NDST4: variants seen among roughly 807,000 people sequenced by gnomAD.
The protein encoded by NDST4 is N-deacetylase and N-sulfotransferase 4.
NDST4 carries 63 observed loss-of-function variants against 100.8 expected under a neutral mutation model. The observed-to-expected ratio is 0.62, with a 90% CI of 0.51 to 0.77. The LOEUF (loss-of-function observed/expected upper bound fraction) is 0.77. NDST4 is among the 30% of genes least tolerant of loss of function. NDST4 has a pLI of 0.00. For synonymous variants in NDST4, 377 were observed against 361.8 expected, an observed-to-expected ratio of 1.04 and a Z score of -0.48; for missense variants, 943 against 1,018.4, an observed-to-expected ratio of 0.93 and a Z score of 1.01.
chr4:115,090,564 G>A, intron 1 of NDST4, among the ~76,000 whole-genome samples: 1 of 151,784 alleles, frequency 6.6e-6, no homozygotes, highest in South Asian at 2.1e-4. Context: ...TCTAGAATTA[G>A]GAAATAATAA....
At chr4:114,933,838 C>A (rs1392382862) in intron 6 of NDST4, among the ~76,000 whole-genome samples, 6 of 151,968 alleles carry the variant, frequency 3.9e-5, no homozygotes, top group African/African-American at 1.4e-4. Context: ...GACTATTAAT[C>A]AAAAAGATGA....
intron 4 of NDST4, among the ~76,000 whole-genome samples, chr4:114,940,073 C>A (rs1452582700): frequency 6.6e-6 from 1 of 151,998 alleles, no homozygotes; most frequent in Non-Finnish European, 1.5e-5. Context: ...AAAAGCCTTC[C>A]AATGTAAATA....
At chr4:115,086,042 T>G (rs1729403908) in intron 1 of NDST4, among the ~76,000 whole-genome samples, 1 of 152,190 alleles carries the variant, frequency 6.6e-6, no homozygotes, top group African/African-American at 2.4e-5. Flanking sequence ...GGAGCACTAC[T>G]CAGTAGGGCA....
chr4:114,897,846 C>A (rs1578373763), intron 6 of NDST4, among the ~76,000 whole-genome samples: 1 of 152,086 alleles, frequency 6.6e-6, no homozygotes, highest in Non-Finnish European at 1.5e-5. Context: ...TTCTTATTTG[C>A]CATCTGTATA....
chr4:115,003,065 C>A (rs1253291901), intron 2 of NDST4, among the ~76,000 whole-genome samples: 1 of 152,070 alleles, frequency 6.6e-6, no homozygotes, highest in East Asian at 1.9e-4. Context: ...ACATCATACA[C>A]TGGGGCCTGA....
chr4:114,847,426 A>G (rs1723576950), intron 9 of NDST4, among the ~76,000 whole-genome samples: 1 of 124,890 alleles, frequency 8.0e-6, no homozygotes, highest in Non-Finnish European at 1.7e-5. Context: ...AGTGTCTTTC[A>G]TTGCAAACAG....
At chr4:115,103,716 G>T (rs1377305390) in intron 1 of NDST4, among the ~76,000 whole-genome samples, 3 of 151,966 alleles carry the variant, frequency 2.0e-5, no homozygotes, top group Non-Finnish European at 4.4e-5. Context: ...TTGTCTTTTA[G>T]ATATTAACAA....
At chr4:114,928,813 G>GT (rs905417889) in intron 6 of NDST4, among the ~76,000 whole-genome samples, 4 of 151,954 alleles carry the variant, frequency 2.6e-5, no homozygotes, top group Admixed American at 1.3e-4. Flanking sequence ...TTGGGACACT[G>GT]TTTTTTCTTC....
intron 6 of NDST4, among the ~76,000 whole-genome samples, chr4:114,889,309 C>A (rs1238944163): frequency 6.6e-6 from 1 of 152,088 alleles, no homozygotes; most frequent in Non-Finnish European, 1.5e-5. Flanking sequence ...GGATTTTGAT[C>A]CCACTTACTC....
intron 2 of NDST4, among the ~76,000 whole-genome samples, chr4:115,000,332 C>A (rs1727258820): frequency 6.6e-6 from 1 of 151,834 alleles, no homozygotes; most frequent in Admixed American, 6.6e-5. Flanking sequence ...AGGAATTTAA[C>A]CTTTCATTTT....
At chr4:114,925,764 T>C (rs1725374431) in intron 6 of NDST4, among the ~76,000 whole-genome samples, 1 of 152,154 alleles carries the variant, frequency 6.6e-6, no homozygotes, top group Non-Finnish European at 1.5e-5. Flanking sequence ...CTTTTCTGGC[T>C]CCTGAACTGC....
intron 2 of NDST4, among the ~76,000 whole-genome samples, chr4:115,066,941 C>G (rs143977029): frequency 8.5e-5 from 13 of 152,302 alleles, no homozygotes; most frequent in African/African-American, 3.1e-4. Flanking sequence ...TATCCAATCC[C>G]ACATTTCCTC....
At chr4:114,912,998 G>T (rs1325330981) in intron 6 of NDST4, among the ~76,000 whole-genome samples, 1 of 151,906 alleles carries the variant, frequency 6.6e-6, no homozygotes, top group East Asian at 1.9e-4. Flanking sequence ...TATATCAAGA[G>T]ATCCTGAAAC....
chr4:115,113,200 T>C (rs1005022987), intron 1 of NDST4, among the ~76,000 whole-genome samples: 1 of 151,968 alleles, frequency 6.6e-6, no homozygotes, highest in African/African-American at 2.4e-5. Flanking sequence ...AAGTTGTATC[T>C]CTTTTTTTTT....
At chr4:114,911,087 C>T (rs1331006653) in intron 6 of NDST4, among the ~76,000 whole-genome samples, 1 of 152,140 alleles carries the variant, frequency 6.6e-6, no homozygotes, top group African/African-American at 2.4e-5. Context: ...AGTCAAAAAC[C>T]TTCCAGTGGC....
chr4:114,928,057 T>C (rs548267542), intron 6 of NDST4, among the ~76,000 whole-genome samples: 7 of 152,204 alleles, frequency 4.6e-5, no homozygotes, highest in Non-Finnish European at 7.4e-5. Context: ...AAAAGTCAGC[T>C]CTGTTAAATA....
At position 114,833,929 on chromosome 4, in the gene NDST4, A is replaced by G. The variant is rs377106837; in HGVS notation, c.2287-214T>C. 5.9e-5 allele frequency among the ~76,000 whole-genome samples: 9 copies of G among 152,330 alleles called. No individual in the cohort carries two copies. In the East Asian group the frequency reaches 1.5e-3, roughly 26 times the overall value. On this transcript the variant is annotated intron_variant, in intron 11 of 13. Coordinates refer to ENST00000264363, the MANE Select transcript of NDST4 (RefSeq NM_022569.3). The stretch of plus-strand genomic sequence containing the variant: ...TAGGCATCATTTCTTGTGAATTATC[A>G]AGTTATAGCCCTTAACTTGCTTTTT...
intron 2 of NDST4, among the ~76,000 whole-genome samples, chr4:115,063,042 T>C (rs2126284243): frequency 6.6e-6 from 1 of 152,050 alleles, no homozygotes; most frequent in East Asian, 1.9e-4. Context: ...ATTCAGGATA[T>C]GTGTTGCCTC....
chr4:114,861,040 A>G (rs889103992), intron 7 of NDST4, among the ~76,000 whole-genome samples: 1 of 152,214 alleles, frequency 6.6e-6, no homozygotes, highest in Non-Finnish European at 1.5e-5. Context: ...AATAATTGCC[A>G]ACATCAACTT....
Sources: gnomAD v4.1 joint callset for allele counts (sites outside exome capture counted in the v4.1 genomes callset) on GRCh38, gnomAD v4.1.1 for gene constraint, MANE v1.5 for transcripts, NCBI Gene and HGNC (gene_info 2026-07-23, HGNC 2026-07-21) for gene names.